SYNE2: variants seen among roughly 807,000 people sequenced by gnomAD.
SYNE2 encodes nesprin-2.
A neutral mutation model predicts 856.3 loss-of-function variants in SYNE2; 431 were observed. The observed-to-expected ratio is 0.50, with a 90% CI of 0.47 to 0.55. The LOEUF (loss-of-function observed/expected upper bound fraction) is 0.55, where lower values mean the gene tolerates loss of function less well. SYNE2 is among the 20% of genes least tolerant of loss of function. The pLI, the probability that SYNE2 is intolerant of heterozygous loss-of-function variation, is 0.00. For missense variants in SYNE2, 8,129 were observed against 8,023.2 expected, an observed-to-expected ratio of 1.01 and a Z score of -0.50; for synonymous variants, 2,923 against 2,872.3, an observed-to-expected ratio of 1.02 and a Z score of -0.56.
chr14:64,076,165 T>A, intron 54 of SYNE2, 65 bp downstream of exon 54: 4 of 1,545,346 alleles, frequency 2.6e-6, no homozygotes, highest in Non-Finnish European at 3.5e-6. Context: ...GAGGAAAATA[T>A]CATTTAATGT....
intron 11 of SYNE2, among the ~76,000 whole-genome samples, chr14:63,971,363 G>A (rs1030790689): frequency 3.8e-4 from 58 of 151,854 alleles, no homozygotes; most frequent in Admixed American, 3.8e-3. Context: ...GTATCCACTC[G>A]CCTTGGCCTA....
intron 1 of SYNE2, among the ~76,000 whole-genome samples, chr14:63,833,834 T>A (rs1259842589): frequency 1.3e-5 from 2 of 152,034 alleles, no homozygotes; most frequent in African/African-American, 4.8e-5. Context: ...ATGCTTTTTT[T>A]AACCTAGTCC....
At chr14:64,125,055 A>G (rs775546328) in intron 70 of SYNE2, 24 bp from the exon 71 acceptor site, 1 of 1,613,966 alleles carries the variant, frequency 6.2e-7, no homozygotes, top group Admixed American at 1.7e-5. Flanking sequence ...ACTGTCAGTA[A>G]TAGGGTTTTC....
intron 48 of SYNE2, among the ~76,000 whole-genome samples, chr14:64,054,678 C>T (rs1461429785): frequency 1.3e-5 from 2 of 152,200 alleles, no homozygotes; most frequent in Non-Finnish European, 2.9e-5. Flanking sequence ...ATTATTTCCT[C>T]ACCTCTGTTG....
intron 100 of SYNE2, among the ~76,000 whole-genome samples, chr14:64,206,834 T>C (rs552001141): frequency 1.9e-3 from 163 of 87,904 alleles, no homozygotes; most frequent in Non-Finnish European, 2.7e-3. Context: ...TAATGATTAG[T>C]ATTATTTATT....
intron 96 of SYNE2, among the ~76,000 whole-genome samples, chr14:64,183,039 C>T (rs188920681): frequency 0.02 from 2,862 of 146,756 alleles, 91 homozygotes; most frequent in East Asian, 0.11. Flanking sequence ...CCCTCCCGGA[C>T]GGGGCGGCTG....
rs573521001 is a variant in SYNE2 at position 64,194,319 on chromosome 14, G to A, written c.18038+4082G>A. On this transcript the variant is annotated intron_variant, in intron 99 of 115. Coordinates refer to ENST00000555002, the MANE Select transcript of SYNE2 (RefSeq NM_182914.3). Reference sequence around the variant, plus strand: ...TTCTTCTTTTTTTTTTTGAGACAAGGTCTGGCTGTATGGCCCAGGCTGGAA... The same window carrying A: ...TTCTTCTTTTTTTTTTTGAGACAAGATCTGGCTGTATGGCCCAGGCTGGAA... Among the ~76,000 whole-genome samples, 528 of 150,512 alleles carry A rather than the reference G, an allele frequency of 3.5e-3. 1 individual carries two copies. Among genetic ancestry groups the A allele is most frequent in the African/African-American group, 0.012 (492 of 40,786 alleles).
intron 1 of SYNE2, among the ~76,000 whole-genome samples, chr14:63,777,731 C>G (rs190368080): frequency 2.0e-5 from 3 of 152,204 alleles, no homozygotes; most frequent in Admixed American, 6.6e-5. Flanking sequence ...TGCAGTGGCT[C>G]AATCATAGCT....
At chr14:64,054,755 A>T (rs2097255913) in intron 48 of SYNE2, among the ~76,000 whole-genome samples, 1 of 152,202 alleles carries the variant, frequency 6.6e-6, no homozygotes, top group African/African-American at 2.4e-5. Context: ...CATCATTGAA[A>T]TTCACGCTGT....
chr14:63,908,569 A>C (rs745941504), intron 1 of SYNE2, among the ~76,000 whole-genome samples: 6 of 152,254 alleles, frequency 3.9e-5, no homozygotes, highest in Non-Finnish European at 7.3e-5. Context: ...AATATATTAG[A>C]TAACTCATTA....
intron 96 of SYNE2, among the ~76,000 whole-genome samples, chr14:64,185,501 C>CT (rs2098484277): frequency 7.9e-6 from 1 of 127,074 alleles, no homozygotes; most frequent in Non-Finnish European, 1.6e-5. Context: ...TTTTTTTTTT[C>CT]TTTTTCTTTT....
rs1464400540 is a variant in SYNE2 at position 64,190,167 on chromosome 14, G to T, written c.17968G>T (p.Ala5990Ser). ...LIKASNKSRA[A>S]EIDDKLNKIN... is the part of the protein sequence containing the mutation. ...CAAGGCCAGCAACAAATCAAGAGCA[G>T]CTGAGATCGATGACAAGCTCAACAA... Residue 5990 changes from alanine to serine, a missense_variant, in exon 99 of 116, where the codon GCT becomes TCT. This residue lies in a region of SYNE2 where 5,410 missense variants were observed against 5,284.8 expected (regional missense o/e 1.02). Coordinates refer to ENST00000555002, the MANE Select transcript of SYNE2 (RefSeq NM_182914.3). 6.2e-7 allele frequency: 1 copy of T among 1,614,042 alleles called. No homozygotes were observed. The highest frequency in any genetic ancestry group is 2.2e-5 in the East Asian group (1 of 44,890).
chr14:63,836,070 G>A (rs991947963), intron 1 of SYNE2, among the ~76,000 whole-genome samples: 1 of 151,860 alleles, frequency 6.6e-6, no homozygotes, highest in African/African-American at 2.4e-5. Context: ...GGGTCGCACT[G>A]TGTCACTCAG....
chr14:64,039,342 G>A (rs540462747), intron 45 of SYNE2, among the ~76,000 whole-genome samples: 1 of 152,226 alleles, frequency 6.6e-6, no homozygotes, highest in African/African-American at 2.4e-5. Context: ...CTTGCCTCTT[G>A]TGACTGTGCT....
intron 61 of SYNE2, among the ~76,000 whole-genome samples, chr14:64,096,155 A>G (rs1393913689): frequency 6.6e-6 from 1 of 152,264 alleles, no homozygotes; most frequent in East Asian, 1.9e-4. Flanking sequence ...TAAGTTACCC[A>G]GTCACAGATA....
Position 64,009,985 on chromosome 14 carries a change from G to T in SYNE2, c.4597G>T (p.Val1533Phe), listed in dbSNP as rs767299913. Residue 1533 changes from valine to phenylalanine, a missense_variant, in exon 32 of 116, where the codon GTT becomes TTT. This residue lies in a region of SYNE2 where 2,422 missense variants were observed against 2,357.4 expected (regional missense o/e 1.03). Transcript: ENST00000555002. ...VTECLEQCGRVLELLKQYQNF... is the reference protein window; with the variant it reads ...VTECLEQCGRFLELLKQYQNF... ...TCTTAGTCTTGAACAATGTGGGAGA[G>T]TTTTGGAGCTCTTAAAACAATATCA... The T allele has an allele frequency of 2.9e-5, 46 of 1,613,716 alleles. No individual in the cohort carries two copies. Among genetic ancestry groups the T allele is most frequent in the Non-Finnish European group, 2.4e-5 (28 of 1,179,928 alleles).
chr14:63,907,103 C>T (rs2153346533), intron 1 of SYNE2, among the ~76,000 whole-genome samples: 1 of 152,348 alleles, frequency 6.6e-6, no homozygotes, highest in Admixed American at 6.5e-5. Flanking sequence ...CTGACAGTCA[C>T]ATCCATCTCC....
intron 19 of SYNE2, among the ~76,000 whole-genome samples, chr14:63,988,573 T>G (rs1021035133): frequency 6.6e-6 from 1 of 152,266 alleles, no homozygotes; most frequent in African/African-American, 2.4e-5. Context: ...ACATAGTTGA[T>G]ATCACATACT....
At chr14:64,019,871 A>T in intron 34 of SYNE2, 121 bp from the exon 35 acceptor site, 1 of 731,258 alleles carries the variant, frequency 1.4e-6, no homozygotes, top group South Asian at 1.7e-5. Context: ...GACAAAACAC[A>T]CATGATTATG....
Sources: allele counts gnomAD v4.1 joint callset (sites outside exome capture counted in the v4.1 genomes callset), GRCh38; gene constraint gnomAD v4.1.1; regional missense constraint gnomAD v4.1.1; transcripts MANE v1.5; gene names NCBI Gene and HGNC (gene_info 2026-07-23, HGNC 2026-07-21).